The following GOLGA7B variants were observed in gnomAD, a reference collection of about 807,000 sequenced individuals.
GOLGA7B encodes the protein golgin subfamily A member 7B.
GOLGA7B carries 17 observed loss-of-function variants against 21.5 expected under a neutral mutation model. The ratio of observed to expected loss-of-function variants is 0.79; its 90% confidence interval spans 0.54 to 1.19. GOLGA7B has a LOEUF of 1.19. Among genes scored for constraint, GOLGA7B ranks in the 50% most tolerant of loss-of-function variants. The pLI, the probability that GOLGA7B is intolerant of heterozygous loss-of-function variation, is 0.00. For synonymous variants in GOLGA7B, 87 were observed against 84.0 expected (o/e 1.04, Z -0.19); for missense variants, 169 against 224.4 (o/e 0.75, Z 1.58).
intron 1 of GOLGA7B, among the ~76,000 whole-genome samples, chr10:97,853,983 TA>T (rs1028023314): frequency 1.6e-4 from 24 of 152,224 alleles, no homozygotes; most frequent in African/African-American, 2.9e-4. Flanking sequence ...TTATACATTT[TA>T]AAAATGTATT....
chr10:97,850,210 C>T lies in GOLGA7B; in HGVS notation c.-94C>T. The T allele has an allele frequency of 1.1e-6, 1 of 908,866 alleles. No individual in the cohort carries two copies. The highest frequency in any genetic ancestry group is 1.5e-6 in the Non-Finnish European group (1 of 659,484). 56.3% of individuals were successfully genotyped at this position (908,866 alleles called of 1,614,324 possible). A position where few individuals can be genotyped will look rare whatever the true frequency, so the allele number is the denominator to read the frequency against. On this transcript the variant is annotated 5_prime_UTR_variant, in exon 1 of 5. Coordinates refer to ENST00000370602, the MANE Select transcript of GOLGA7B (RefSeq NM_001010917.3). ...GCGGACAGCGCCCCGGGCCCCAGCT[C>T]GCCGCCACCGCCGCCGCCCACCTGC...
At position 97,865,611 on chromosome 10, in the gene GOLGA7B, G is replaced by A. The variant is rs780609461; in HGVS notation, c.415G>A (p.Asp139Asn). 6.2e-7 allele frequency: 1 copy of A among 1,613,660 alleles called. No individual in the cohort carries two copies. The highest frequency in any genetic ancestry group is 8.5e-7 in the Non-Finnish European group (1 of 1,179,680). ...CCAGATTGAGATCTCCATCTACGAGGACCGGTGCAGCAGTGGCAGCTCCAG... is the reference window on the plus strand; with the variant it reads ...CCAGATTGAGATCTCCATCTACGAGAACCGGTGCAGCAGTGGCAGCTCCAG... ...MRVIEISIYE[D>N]RCSSGSSSSG... The change falls in exon 5 of 5, where the codon GAC becomes AAC. Residue 139 changes from aspartate (D) to asparagine (N), a missense_variant. Physicochemically the swap from Asp to Asn is conservative, Grantham distance 23 (BLOSUM62 1). Coordinates refer to ENST00000370602, the MANE Select transcript of GOLGA7B (RefSeq NM_001010917.3).
intron 2 of GOLGA7B, among the ~76,000 whole-genome samples, chr10:97,862,200 T>C (rs1212808191): frequency 6.6e-6 from 1 of 152,200 alleles, no homozygotes; most frequent in Non-Finnish European, 1.5e-5. Flanking sequence ...TATTTATTGA[T>C]TATGTATTAG....
At chr10:97,865,441 G>C (rs1339903304) in intron 4 of GOLGA7B, 149 bp from the exon 5 acceptor site, 1 of 1,355,660 alleles carries the variant, frequency 7.4e-7, no homozygotes, top group African/African-American at 1.5e-5. Context: ...GGCTTGGGGA[G>C]GGTCTAGCTC....
rs927132266 is a variant in GOLGA7B, at chr10:97,865,890, C to G, written c.*190C>G. 5.9e-5 allele frequency: 56 copies of G among 942,150 alleles called. No homozygotes were observed. Among genetic ancestry groups the G allele is most frequent in the Non-Finnish European group, 7.9e-5 (52 of 660,846 alleles). The allele number at this position is 942,150 out of a possible 1,614,324, so 58.4% of individuals were successfully genotyped here. A position where few individuals can be genotyped will look rare whatever the true frequency, so the allele number is the denominator to read the frequency against. ...AACCTATGCCCCCTGTCCCTCACCC[C>G]CGTCTGGATCAGTCCATTTCCTGAC... On this transcript the variant is annotated 3_prime_UTR_variant, in exon 5 of 5. Transcript: ENST00000370602.
chr10:97,859,626 G>A (rs1170800174), intron 2 of GOLGA7B, 43 bp downstream of exon 2: 2 of 1,596,916 alleles, frequency 1.3e-6, no homozygotes, highest in African/African-American at 1.3e-5. Context: ...GGGCTGTGAT[G>A]GAACTGAGGT....
chr10:97,861,436 A>G (rs1224599069), intron 2 of GOLGA7B, among the ~76,000 whole-genome samples: 2 of 152,218 alleles, frequency 1.3e-5, no homozygotes, highest in Admixed American at 6.5e-5. Context: ...GCCTCAGGCA[A>G]AGGGGAGAGC....
At position 97,869,881 on chromosome 10, in the gene GOLGA7B, G is replaced by A. The variant is rs1293955025; in HGVS notation, c.*4181G>A. 2.0e-5 allele frequency: 3 copies of A among 152,246 alleles called. No homozygotes were observed. Among genetic ancestry groups the A allele is most frequent in the Non-Finnish European group, 4.4e-5 (3 of 68,090 alleles). The allele number at this position is 152,246 out of a possible 1,614,324, so 9.4% of individuals were successfully genotyped here. On this transcript the variant is annotated 3_prime_UTR_variant, in exon 5 of 5. Transcript: ENST00000370602. ...CTCTAGAAGGACTCACAATGAGGGG[G>A]GCCCAGACAGGAGGCATCACCACCT...
chr10:97,863,171 C>G (rs1280749720), intron 2 of GOLGA7B, among the ~76,000 whole-genome samples: 2 of 152,160 alleles, frequency 1.3e-5, no homozygotes, highest in Non-Finnish European at 2.9e-5. Flanking sequence ...ACGGTGGCAG[C>G]TGGAACCACA....
In GOLGA7B at chr10:97,870,697, CACAT is replaced by C. The variant is rs2050083006; in HGVS notation, c.*4999_*5002del. 1 of 152,046 alleles carries C rather than the reference CACAT, an allele frequency of 6.6e-6. No homozygotes were observed. The highest frequency in any genetic ancestry group is 1.5e-5 in the Non-Finnish European group (1 of 68,014). The allele number at this position is 152,046 out of a possible 1,614,324, so 9.4% of individuals were successfully genotyped here. On this transcript the variant is annotated 3_prime_UTR_variant, in exon 5 of 5. Coordinates refer to ENST00000370602, the MANE Select transcript of GOLGA7B (RefSeq NM_001010917.3). The stretch of plus-strand genomic sequence containing the variant: ...TTTTGTTAAATATCTGGAAATGTAA[CACAT>C]ATGCCAAACAGACAACTGCAACTCT...
At chr10:97,859,368 G>T in intron 1 of GOLGA7B, 90 bp from the exon 2 acceptor site, 1 of 1,338,782 alleles carries the variant, frequency 7.5e-7, no homozygotes. Context: ...TGTTAGTGCT[G>T]GAAGACCTGC....
intron 1 of GOLGA7B, among the ~76,000 whole-genome samples, chr10:97,857,233 A>T (rs1004834857): frequency 1.3e-5 from 2 of 152,094 alleles, no homozygotes; most frequent in East Asian, 3.9e-4. Context: ...TCTTTAATCC[A>T]TGTTGAATTA....
Position 97,868,034 on chromosome 10 carries a change from C to T in GOLGA7B, c.*2334C>T, listed in dbSNP as rs1489241792. On this transcript the variant is annotated 3_prime_UTR_variant, in exon 5 of 5. Coordinates refer to ENST00000370602, the MANE Select transcript of GOLGA7B (RefSeq NM_001010917.3). ...AAATCCTCATTTCTTGAGCTCTTCC[C>T]CTGGGTTGGGTCCTGTTGGGAGCTG... 6.6e-6 allele frequency: 1 copy of T among 152,204 alleles called. No individual in the cohort carries two copies. Among genetic ancestry groups the T allele is most frequent in the Non-Finnish European group, 1.5e-5 (1 of 68,052 alleles). 9.4% of individuals were successfully genotyped at this position (152,204 alleles called of 1,614,324 possible).
At position 97,865,807 on chromosome 10, in the gene GOLGA7B, A is replaced by G. The variant is rs1590165279; in HGVS notation, c.*107A>G. On this transcript the variant is annotated 3_prime_UTR_variant, in exon 5 of 5. Coordinates refer to ENST00000370602, the MANE Select transcript of GOLGA7B (RefSeq NM_001010917.3). ...CGCTTCTGAGTCATTCTTTGGGCTCACCCTGCTGCCCGGGGTGGGAGGGAG... is the reference window on the plus strand; with the variant it reads ...CGCTTCTGAGTCATTCTTTGGGCTCGCCCTGCTGCCCGGGGTGGGAGGGAG... 5.5e-6 allele frequency: 3 copies of G among 548,924 alleles called. No individual in the cohort carries two copies. Among genetic ancestry groups the G allele is most frequent in the Admixed American group, 3.5e-5 (1 of 28,446 alleles). 34.0% of individuals were successfully genotyped at this position (548,924 alleles called of 1,614,324 possible).
At chr10:97,861,698 G>A (rs1372769221) in intron 2 of GOLGA7B, among the ~76,000 whole-genome samples, 1 of 152,268 alleles carries the variant, frequency 6.6e-6, no homozygotes, top group African/African-American at 2.4e-5. Context: ...AGCCCAGGTA[G>A]ATCTGAATGG....
chr10:97,860,757 G>A (rs570514240), intron 2 of GOLGA7B, among the ~76,000 whole-genome samples: 2 of 152,318 alleles, frequency 1.3e-5, no homozygotes, highest in Admixed American at 6.5e-5. Context: ...TGTTCAGCTG[G>A]TCTTCTTCAG....
chr10:97,852,032 A>G (rs913607367), intron 1 of GOLGA7B, among the ~76,000 whole-genome samples: 1 of 152,232 alleles, frequency 6.6e-6, no homozygotes, highest in African/African-American at 2.4e-5. Flanking sequence ...TTAACAGATG[A>G]GACAACTAAG....
intron 1 of GOLGA7B, 34 bp downstream of exon 1, chr10:97,850,349 C>G (rs1314250561): frequency 6.0e-6 from 9 of 1,507,118 alleles, no homozygotes; most frequent in South Asian, 5.0e-5. Context: ...AGGCAGTGCC[C>G]GATTGCCGCG....
rs2050062654 is a variant in GOLGA7B at position 97,869,170 on chromosome 10, G to T, written c.*3470G>T. Reference sequence around the variant, plus strand: ...AGGCAGATTCCCAGGGAAGGACTTGGAGCCATGCCTGGGTTTTGAGGCCGG... The same window carrying T: ...AGGCAGATTCCCAGGGAAGGACTTGTAGCCATGCCTGGGTTTTGAGGCCGG... On this transcript the variant is annotated 3_prime_UTR_variant, in exon 5 of 5. Transcript: ENST00000370602. The T allele has an allele frequency of 6.6e-6, 1 of 152,270 alleles. No homozygotes were observed. The highest frequency in any genetic ancestry group is 1.9e-4 in the East Asian group (1 of 5,190). 9.4% of individuals were successfully genotyped at this position (152,270 alleles called of 1,614,324 possible).
Sources: allele counts gnomAD v4.1 joint callset (sites outside exome capture counted in the v4.1 genomes callset), GRCh38; gene constraint gnomAD v4.1.1; transcripts MANE v1.5; gene names NCBI Gene and HGNC (gene_info 2026-07-23, HGNC 2026-07-21).